PCF11: variants seen among roughly 807,000 people sequenced by gnomAD.
The protein encoded by PCF11 is PCF11 cleavage and polyadenylation factor subunit.
PCF11 carries 19 observed loss-of-function variants against 166.1 expected under a neutral mutation model. That is an observed-to-expected ratio of 0.11 (90% CI 0.08 to 0.17). The LOEUF (loss-of-function observed/expected upper bound fraction) is 0.17. Ranked by LOEUF, PCF11 falls within the 10% of genes least tolerant of loss-of-function variation. The pLI is 1.00. For synonymous variants in PCF11, 663 were observed against 644.1 expected (o/e 1.03, Z -0.44); for missense variants, 1,565 against 1,855.5 (o/e 0.84, Z 2.88).
Position 83,184,670 on chromosome 11 carries a change from A to C in PCF11, c.4453-9A>C, listed in dbSNP as rs376353627. On this transcript the variant is annotated splice_polypyrimidine_tract_variant and intron_variant, in intron 15 of 15. Transcript: ENST00000298281. ...TTCATCAGTACTCATAGGGCCTTTC[A>C]TTTTGTAGACATCTTCATTTGATTG... 9.4e-6 allele frequency: 15 copies of C among 1,600,894 alleles called. No homozygotes were observed. Among genetic ancestry groups the C allele is most frequent in the Non-Finnish European group, 1.2e-5 (14 of 1,171,074 alleles).
exon 8 of PCF11, chr11:83,169,819 C>A: frequency 6.2e-7 from 1 of 1,613,542 alleles, no homozygotes; most frequent in Non-Finnish European, 8.5e-7. Context: ...ATTTGATTCA[C>A]CTCAAGGACC....
At chr11:83,176,467 A>G (rs1336961320) in intron 9 of PCF11, among the ~76,000 whole-genome samples, 1 of 152,222 alleles carries the variant, frequency 6.6e-6, no homozygotes, top group Non-Finnish European at 1.5e-5. Context: ...CTGGATTAAG[A>G]AAGTGTGGCA....
chr11:83,179,266 T>C (rs1175442229), intron 11 of PCF11, among the ~76,000 whole-genome samples: 3 of 152,082 alleles, frequency 2.0e-5, no homozygotes, highest in African/African-American at 7.2e-5. Flanking sequence ...CCTTTTTTTT[T>C]TGAGACAGAG....
intron 8 of PCF11, chr11:83,171,156 C>G: frequency 2.8e-6 from 1 of 353,106 alleles, no homozygotes; most frequent in Non-Finnish European, 5.6e-6. Flanking sequence ...TATTTGTATG[C>G]CAGTATAGTT....
exon 5 of PCF11, chr11:83,166,228 G>C: frequency 6.2e-7 from 1 of 1,613,378 alleles, no homozygotes; most frequent in Non-Finnish European, 8.5e-7. Flanking sequence ...AGACTGGCTG[G>C]AAGTAGAAAT....
At chr11:83,181,246 A>G (rs1252273460) in intron 12 of PCF11, 55 bp downstream of exon 12, 3 of 645,364 alleles carry the variant, frequency 4.6e-6, no homozygotes, top group Admixed American at 4.1e-5. Flanking sequence ...ATATCATTCT[A>G]AAAGTATATT....
At chr11:83,158,090 C>T (rs2135411049) in intron 1 of PCF11, 1 of 156,610 alleles carries the variant, frequency 6.4e-6, no homozygotes, top group South Asian at 1.6e-4. Context: ...TGGGAGCGAG[C>T]TGTTGGTGGG....
At chr11:83,181,809 T>G (rs564662410) in intron 12 of PCF11, 45 bp from the exon 13 acceptor site, 1 of 1,431,632 alleles carries the variant, frequency 7.0e-7, no homozygotes, top group East Asian at 2.5e-5. Flanking sequence ...CAGTAAAAAT[T>G]TAGAAATAAA....
chr11:83,181,907 G>A (rs1184357516), exon 13 of PCF11: 3 of 1,612,234 alleles, frequency 1.9e-6, no homozygotes, highest in Non-Finnish European at 2.5e-6. Context: ...CAAAGAGCCA[G>A]TTTTTTGAAA....
chr11:83,165,032 T>C (rs1367458689), intron 4 of PCF11, among the ~76,000 whole-genome samples: 1 of 152,200 alleles, frequency 6.6e-6, no homozygotes, highest in Non-Finnish European at 1.5e-5. Flanking sequence ...TTTTGCATAG[T>C]CTTTAATGTT....
intron 11 of PCF11, 64 bp downstream of exon 11, chr11:83,177,883 C>A: frequency 3.3e-6 from 2 of 612,244 alleles, no homozygotes; most frequent in East Asian, 3.1e-5. Context: ...TTATAGTGGA[C>A]ATTGTTACTA....
intron 11 of PCF11, 47 bp downstream of exon 11, chr11:83,177,866 A>T (rs1300304097): frequency 1.2e-6 from 1 of 833,982 alleles, no homozygotes. Context: ...TGACTTTAAT[A>T]ACACTGTTAT....
chr11:83,183,133 G>GTTTT, intron 15 of PCF11, 60 bp downstream of exon 15: 2 of 854,210 alleles, frequency 2.3e-6, no homozygotes, highest in Non-Finnish European at 3.5e-6. Flanking sequence ...TTACTTTTCA[G>GTTTT]TTTTTTTTTT....
At chr11:83,169,800 T>A in exon 8 of PCF11, 1 of 1,613,704 alleles carries the variant, frequency 6.2e-7, no homozygotes, top group Non-Finnish European at 8.5e-7. Flanking sequence ...TCCAAAGACA[T>A]GAACAAATAT....
chr11:83,165,905 A>G (rs764361597), exon 5 of PCF11: 3 of 1,607,548 alleles, frequency 1.9e-6, no homozygotes, highest in East Asian at 4.5e-5. Context: ...TACCCTCTGA[A>G]AAACTAAATT....
chr11:83,187,387 CAAGAA>C (rs977017235), exon 16 of PCF11: 1 of 151,698 alleles, frequency 6.6e-6, no homozygotes, highest in African/African-American at 2.4e-5. Context: ...AAAATGAAGT[CAAGAA>C]AATATGTAAG....
intron 9 of PCF11, among the ~76,000 whole-genome samples, chr11:83,174,449 A>G (rs1860806353): frequency 6.6e-6 from 1 of 151,046 alleles, no homozygotes; most frequent in South Asian, 2.1e-4. Context: ...AAACACCTGA[A>G]CTCAAGCAAT....
chr11:83,170,545 A>C (rs988592068), intron 8 of PCF11, among the ~76,000 whole-genome samples: 21 of 152,324 alleles, frequency 1.4e-4, no homozygotes, highest in African/African-American at 4.8e-4. Flanking sequence ...AACATAGCGA[A>C]TAGCCTTCCA....
At chr11:83,163,128 A>G (rs931879616) in intron 2 of PCF11, among the ~76,000 whole-genome samples, 3 of 151,952 alleles carry the variant, frequency 2.0e-5, no homozygotes, top group African/African-American at 7.2e-5. Context: ...AAAGTTATTT[A>G]AAACTAAGGC....
Sources: gnomAD v4.1 joint callset for allele counts (sites outside exome capture counted in the v4.1 genomes callset) on GRCh38, gnomAD v4.1.1 for gene constraint, MANE v1.5 for transcripts, NCBI Gene and HGNC (gene_info 2026-07-23, HGNC 2026-07-21) for gene names.